Variants in UNC79 observed in about 807,000 individuals in gnomAD.
The protein encoded by UNC79 is protein unc-79 homolog.
A neutral mutation model predicts 283.1 loss-of-function variants in UNC79; 37 were observed. That is an observed-to-expected ratio of 0.13 (90% CI 0.10 to 0.17). UNC79 has a LOEUF of 0.17. UNC79 is among the 10% of genes least tolerant of loss of function. The pLI is 1.00. For missense variants in UNC79, 2,272 were observed against 3,211.1 expected (o/e 0.71, Z 7.07); for synonymous variants, 1,107 against 1,200.2 (o/e 0.92, Z 1.61).
chr14:93,645,716 G>A (rs2069523705), intron 34 of UNC79, among the ~76,000 whole-genome samples: 1 of 152,006 alleles, frequency 6.6e-6, no homozygotes, highest in Admixed American at 6.6e-5. Context: ...TGTAGGTACA[G>A]CCTTTAAAAT....
intron 14 of UNC79, among the ~76,000 whole-genome samples, chr14:93,567,294 C>T (rs534577983): frequency 1.9e-4 from 29 of 152,306 alleles, no homozygotes; most frequent in Non-Finnish European, 2.2e-4. Flanking sequence ...GGCGCAATCT[C>T]GGCTCAGTGC....
chr14:93,578,817 G>A (rs1479990325), intron 18 of UNC79, among the ~76,000 whole-genome samples: 3 of 152,092 alleles, frequency 2.0e-5, no homozygotes, highest in African/African-American at 4.8e-5. Context: ...TATAATAATA[G>A]TAATGTCATC....
At chr14:93,597,246 G>A in intron 23 of UNC79, 113 bp from the exon 24 acceptor site, 6 of 1,117,600 alleles carry the variant, frequency 5.4e-6, no homozygotes, top group Non-Finnish European at 7.8e-6. Flanking sequence ...GGGAGACCCA[G>A]AGTTAACTTT....
chr14:93,657,435 T>C (rs1204678127), intron 38 of UNC79, among the ~76,000 whole-genome samples: 1 of 150,560 alleles, frequency 6.6e-6, no homozygotes, highest in Admixed American at 6.6e-5. Flanking sequence ...CACTGCAAGC[T>C]CCGCCTCCTG....
At chr14:93,503,484 C>T (rs544691305) in intron 7 of UNC79, among the ~76,000 whole-genome samples, 1 of 152,152 alleles carries the variant, frequency 6.6e-6, no homozygotes, top group South Asian at 2.1e-4. Flanking sequence ...AACAGCTTTC[C>T]AAAGTAGCTG....
intron 7 of UNC79, among the ~76,000 whole-genome samples, chr14:93,506,198 T>C (rs556393180): frequency 6.7e-4 from 102 of 152,144 alleles, no homozygotes; most frequent in African/African-American, 2.4e-3. Context: ...CCTTTGTTTC[T>C]TAAGGCTATT....
At chr14:93,705,803 T>C (rs1296705675) in intron 48 of UNC79, among the ~76,000 whole-genome samples, 1 of 152,178 alleles carries the variant, frequency 6.6e-6, no homozygotes, top group African/African-American at 2.4e-5. Context: ...GCTGGAAAGT[T>C]TTTTGCTGGG....
At chr14:93,624,751 C>T (rs1243269718) in intron 30 of UNC79, among the ~76,000 whole-genome samples, 1 of 152,194 alleles carries the variant, frequency 6.6e-6, no homozygotes, top group African/African-American at 2.4e-5. Context: ...CTGATCTCTT[C>T]TGCCCCTCCT....
At chr14:93,646,675 A>T (rs750977032) in intron 35 of UNC79, 29 bp downstream of exon 38, 3 of 1,612,472 alleles carry the variant, frequency 1.9e-6, no homozygotes, top group South Asian at 2.2e-5. Flanking sequence ...CCCAGATCTC[A>T]CTTTCTTTTC....
intron 20 of UNC79, among the ~76,000 whole-genome samples, chr14:93,586,165 G>A (rs1042686126): frequency 6.6e-6 from 1 of 152,164 alleles, no homozygotes; most frequent in Admixed American, 6.5e-5. Flanking sequence ...ACAGGCATGA[G>A]CCACCGCGCC....
chr14:93,443,417 C>T (rs2056369321), intron 1 of UNC79, among the ~76,000 whole-genome samples: 2 of 131,640 alleles, frequency 1.5e-5, no homozygotes, highest in Admixed American at 1.8e-4. Context: ...TCTTTTCTGT[C>T]TGACTTCTTT....
At chr14:93,571,620 C>T (rs1447159905) in intron 14 of UNC79, among the ~76,000 whole-genome samples, 1 of 152,174 alleles carries the variant, frequency 6.6e-6, no homozygotes, top group Middle Eastern at 3.2e-3. Flanking sequence ...TTTTAATTCA[C>T]ATGTGATTTG....
At chr14:93,683,531 C>T (rs550476414) in intron 42 of UNC79, among the ~76,000 whole-genome samples, 1 of 152,248 alleles carries the variant, frequency 6.6e-6, no homozygotes, top group East Asian at 1.9e-4. Flanking sequence ...GAGTGGCTAG[C>T]CAGTCTCTGC....
intron 8 of UNC79, among the ~76,000 whole-genome samples, 169 bp downstream of exon 8, chr14:93,524,211 A>G (rs2060446563): frequency 6.6e-6 from 1 of 152,240 alleles, no homozygotes; most frequent in South Asian, 2.1e-4. Flanking sequence ...GTCAAGAGAG[A>G]GCAATGAATA....
chr14:93,395,202 G>A (rs1398034794), intron 1 of UNC79, among the ~76,000 whole-genome samples: 1 of 152,068 alleles, frequency 6.6e-6, no homozygotes, highest in Admixed American at 6.5e-5. Flanking sequence ...ATGGTCACTA[G>A]TAAGGAATTC....
intron 13 of UNC79, among the ~76,000 whole-genome samples, chr14:93,541,564 G>A (rs984620756): frequency 5.3e-5 from 8 of 152,294 alleles, no homozygotes; most frequent in African/African-American, 1.7e-4. Flanking sequence ...TTGCTTCCTA[G>A]AAGTTAGTAT....
At chr14:93,656,486 C>T (rs1278081367) in intron 38 of UNC79, among the ~76,000 whole-genome samples, 1 of 151,674 alleles carries the variant, frequency 6.6e-6, no homozygotes. Context: ...TATAGTGAGA[C>T]TCTGTCTCTT....
At chr14:93,406,320 C>T (rs533899703) in intron 1 of UNC79, among the ~76,000 whole-genome samples, 31 of 152,238 alleles carry the variant, frequency 2.0e-4, no homozygotes, top group Admixed American at 1.2e-3. Flanking sequence ...TGGTGGCTCA[C>T]GCCTGTTATT....
rs573695212 is a variant in UNC79 at position 93,436,131 on chromosome 14, T to C, written c.22+5080T>C. Among the ~76,000 whole-genome samples, 6 of 152,298 alleles carry C rather than the reference T, an allele frequency of 3.9e-5. No individual in the cohort carries two copies. In the East Asian group the frequency reaches 1.2e-3, roughly 29 times the overall value. ...TTGAAAAAGTAAAAATGACTGAGGG[T>C]GGATGAAATGCCTTTTATAAGGAAG... On this transcript the variant is annotated intron_variant, in intron 1 of 48. Transcript: ENST00000555664.
Sources: allele counts gnomAD v4.1 joint callset (sites outside exome capture counted in the v4.1 genomes callset), GRCh38; gene constraint gnomAD v4.1.1; transcripts MANE v1.5; gene names NCBI Gene and HGNC (gene_info 2026-07-23, HGNC 2026-07-21).